Variants in FGF12 observed in about 807,000 individuals in gnomAD.
FGF12 encodes fibroblast growth factor 12.
Under a neutral mutation model 23.6 loss-of-function variants are expected in FGF12, and 14 were observed. The observed-to-expected ratio is 0.59, with a 90% CI of 0.39 to 0.93. FGF12 has a LOEUF of 0.93. Ranked by LOEUF, FGF12 falls within the 40% of genes least tolerant of loss-of-function variation. The pLI is 0.00. For missense variants in FGF12, 175 were observed against 217.8 expected, an observed-to-expected ratio of 0.80 and a Z score of 1.24; for synonymous variants, 62 against 77.3, an observed-to-expected ratio of 0.80 and a Z score of 1.04.
At chr3:192,551,673 G>A (rs530239063) in intron 2 of FGF12, among the ~76,000 whole-genome samples, 1 of 152,142 alleles carries the variant, frequency 6.6e-6, no homozygotes, top group South Asian at 2.1e-4. Flanking sequence ...TTGAAATAAA[G>A]TATAAATCCA....
At chr3:192,261,562 G>T (rs957421366) in intron 4 of FGF12, among the ~76,000 whole-genome samples, 14 of 152,306 alleles carry the variant, frequency 9.2e-5, no homozygotes, top group African/African-American at 3.4e-4. Context: ...TAAAGTGTCT[G>T]TAGAGCTGTG....
chr3:192,169,073 G>A (rs1385643242), intron 5 of FGF12, among the ~76,000 whole-genome samples: 1 of 152,200 alleles, frequency 6.6e-6, no homozygotes, highest in African/African-American at 2.4e-5. Context: ...AGGCATGGTG[G>A]CTCACGCTTG....
intron 5 of FGF12, among the ~76,000 whole-genome samples, chr3:192,149,288 G>C (rs1046727701): frequency 6.6e-6 from 1 of 151,576 alleles, no homozygotes; most frequent in African/African-American, 2.4e-5. Flanking sequence ...AGTGAACTCT[G>C]TAAGGAATGA....
intron 2 of FGF12, among the ~76,000 whole-genome samples, chr3:192,696,016 T>C (rs1348431521): frequency 6.6e-6 from 1 of 152,176 alleles, no homozygotes; most frequent in Non-Finnish European, 1.5e-5. Context: ...GGAGAATCAC[T>C]TGAATCCAGG....
At chr3:192,622,773 A>C (rs554569534) in intron 2 of FGF12, among the ~76,000 whole-genome samples, 1 of 152,260 alleles carries the variant, frequency 6.6e-6, no homozygotes, top group South Asian at 2.1e-4. Context: ...TGAGGACCCA[A>C]ATGCACACAC....
At position 192,155,176 on chromosome 3, in the gene FGF12, G is replaced by A. The variant is rs557714469; in HGVS notation, c.428-11049C>T. On this transcript the variant is annotated intron_variant, in intron 5 of 5. Transcript: ENST00000445105. ...AATGCCTCGCCCTGCTTCGGCTCGC[G>A]CACGGTGCGCGCACCCACTGACCTG... is the stretch of plus-strand genomic sequence containing the variant. Among the ~76,000 whole-genome samples, 1,039 of 151,104 alleles carry A rather than the reference G, an allele frequency of 6.9e-3. 4 individuals are homozygous for A. Among genetic ancestry groups the A allele is most frequent in the Middle Eastern group, 0.014 (4 of 294 alleles).
intron 2 of FGF12, among the ~76,000 whole-genome samples, chr3:192,574,503 T>A (rs1039667137): frequency 2.0e-5 from 3 of 152,160 alleles, no homozygotes; most frequent in Non-Finnish European, 4.4e-5. Context: ...CACTGCACAA[T>A]TGGATAGTTC....
chr3:192,251,375 A>C (rs2108606867), intron 4 of FGF12, among the ~76,000 whole-genome samples: 1 of 152,228 alleles, frequency 6.6e-6, no homozygotes, highest in African/African-American at 2.4e-5. Flanking sequence ...TACATTCCTA[A>C]ATTTGGCTAT....
intron 4 of FGF12, among the ~76,000 whole-genome samples, chr3:192,305,679 A>AAAAAAAAATAT (rs1423738741): frequency 2.3e-5 from 3 of 131,936 alleles, no homozygotes; most frequent in African/African-American, 8.9e-5. Context: ...AAAAAAAAAA[A>AAAAAAAAATAT]ATATATATAT....
Position 192,171,310 on chromosome 3 carries a change from G to A in FGF12, c.229-654C>T, listed in dbSNP as rs546685374. Among the ~76,000 whole-genome samples the A allele has an allele frequency of 7.2e-5, 11 of 152,250 alleles. No homozygotes were observed. In the South Asian group the frequency reaches 2.1e-3, roughly 29 times the overall value. ...TTACTATTGACCTCAGTGAAACACA[G>A]AATGAGAGTTCTAGTCTCAGAAGAA... is the stretch of plus-strand genomic sequence containing the variant. On this transcript the variant is annotated intron_variant, in intron 4 of 5. Transcript: ENST00000445105.
chr3:192,700,621 A>G (rs763647608), intron 2 of FGF12, among the ~76,000 whole-genome samples: 7 of 152,194 alleles, frequency 4.6e-5, no homozygotes, highest in Admixed American at 6.5e-5. Context: ...AAATGTTAGT[A>G]CTGTACAATA....
intron 4 of FGF12, among the ~76,000 whole-genome samples, chr3:192,331,946 A>C (rs1428970006): frequency 6.6e-6 from 1 of 152,136 alleles, no homozygotes; most frequent in Non-Finnish European, 1.5e-5. Context: ...AGACATTTTC[A>C]TGGAAACCAA....
chr3:192,712,088 A>G (rs546855413), intron 2 of FGF12, among the ~76,000 whole-genome samples: 1 of 152,040 alleles, frequency 6.6e-6, no homozygotes, highest in African/African-American at 2.4e-5. Flanking sequence ...TAAAAATCTG[A>G]TACCAGAAAT....
At chr3:192,403,881 T>C (rs1720859054) in intron 2 of FGF12, among the ~76,000 whole-genome samples, 1 of 152,202 alleles carries the variant, frequency 6.6e-6, no homozygotes, top group African/African-American at 2.4e-5. Flanking sequence ...ATGAGTATAC[T>C]GTTAAACACT....
chr3:192,362,803 G>A (rs1718793211), intron 2 of FGF12, among the ~76,000 whole-genome samples: 1 of 152,088 alleles, frequency 6.6e-6, no homozygotes, highest in African/African-American at 2.4e-5. Flanking sequence ...ACGGTATAAG[G>A]GAGGTAAAAG....
At chr3:192,701,750 A>C (rs1718305092) in intron 2 of FGF12, among the ~76,000 whole-genome samples, 2 of 152,168 alleles carry the variant, frequency 1.3e-5, no homozygotes, top group African/African-American at 4.8e-5. Context: ...TTATCTGTAA[A>C]GTTAGATTAT....
chr3:192,612,391 G>T (rs528830396), intron 2 of FGF12, among the ~76,000 whole-genome samples: 3 of 151,820 alleles, frequency 2.0e-5, no homozygotes, highest in African/African-American at 7.3e-5. Flanking sequence ...TTATTATGCC[G>T]AACTGGGATC....
chr3:192,659,975 G>T (rs1186444334), intron 2 of FGF12, among the ~76,000 whole-genome samples: 1 of 151,826 alleles, frequency 6.6e-6, no homozygotes, highest in East Asian at 1.9e-4. Context: ...TATCCTTCAT[G>T]ATTTATAATC....
chr3:192,696,485 G>A (rs1267912567), intron 2 of FGF12, among the ~76,000 whole-genome samples: 1 of 152,116 alleles, frequency 6.6e-6, no homozygotes, highest in South Asian at 2.1e-4. Context: ...AGAGAAAAAG[G>A]GTTGTTTTTC....
Sources: gnomAD v4.1 joint callset for allele counts (sites outside exome capture counted in the v4.1 genomes callset) on GRCh38, gnomAD v4.1.1 for gene constraint, MANE v1.5 for transcripts, NCBI Gene and HGNC (gene_info 2026-07-23, HGNC 2026-07-21) for gene names.